Variants in CAGE1 observed in about 807,000 individuals in gnomAD.
The protein encoded by CAGE1 is cancer antigen 1.
CAGE1 carries 66 observed loss-of-function variants against 94.9 expected under a neutral mutation model. The observed-to-expected ratio is 0.70, with a 90% CI of 0.57 to 0.85. The LOEUF is 0.85. Among genes scored for constraint, CAGE1 ranks in the 40% least tolerant of loss-of-function variants. The pLI is 0.00. For synonymous variants in CAGE1, 319 were observed against 321.0 expected, an observed-to-expected ratio of 0.99 and a Z score of 0.07; for missense variants, 865 against 950.4, an observed-to-expected ratio of 0.91 and a Z score of 1.18.
At chr6:7,346,525 G>C (rs1759547646) in intron 11 of CAGE1, among the ~76,000 whole-genome samples, 1 of 152,056 alleles carries the variant, frequency 6.6e-6, no homozygotes, top group Admixed American at 6.6e-5. Context: ...CTCCGGCCTG[G>C]GCGACAGAGC....
At position 7,334,093 on chromosome 6, in the gene CAGE1, G is replaced by C; in HGVS notation, c.2370-3C>G. 1 of 1,502,914 alleles carries C rather than the reference G, an allele frequency of 6.7e-7. No individual in the cohort carries two copies. 93.1% of individuals were successfully genotyped at this position (1,502,914 alleles called of 1,614,324 possible). On this transcript the variant is annotated splice_polypyrimidine_tract_variant and splice_region_variant and intron_variant, in intron 11 of 13. Transcript: ENST00000502583. ...AATGTTTATTTCTCTCTTCCAAACT[G>C]AAAGAAGAAACAATTGAATTTTATG...
At chr6:7,337,976 CTCT>C (rs1409386431) in intron 11 of CAGE1, among the ~76,000 whole-genome samples, 2 of 152,172 alleles carry the variant, frequency 1.3e-5, no homozygotes, top group South Asian at 2.1e-4. Context: ...ATTTATTTAA[CTCT>C]TCTTTACTTT....
intron 11 of CAGE1, among the ~76,000 whole-genome samples, chr6:7,345,368 C>G (rs1040263835): frequency 1.6e-4 from 22 of 136,126 alleles, no homozygotes; most frequent in African/African-American, 5.5e-4. Context: ...CACATCAGAA[C>G]ATCAGAAGGA....
At chr6:7,342,173 G>T in intron 11 of CAGE1, 1 of 1,015,462 alleles carries the variant, frequency 9.8e-7, no homozygotes, top group Non-Finnish European at 1.6e-6. Context: ...TGCCTGGACA[G>T]TTGGGCCCCC....
At chr6:7,342,023 T>G (rs1193962919) in intron 11 of CAGE1, 2 of 839,052 alleles carry the variant, frequency 2.4e-6, no homozygotes, top group Admixed American at 1.7e-5. Context: ...TTCTTGTCCT[T>G]ATGATATTTG....
chr6:7,345,651 G>T (rs74350583), intron 11 of CAGE1, among the ~76,000 whole-genome samples: 1 of 152,144 alleles, frequency 6.6e-6, no homozygotes, highest in South Asian at 2.1e-4. Context: ...TTACAGGCCC[G>T]GCGCAGTGGC....
intron 13 of CAGE1, 69 bp from the exon 14 acceptor site, chr6:7,326,968 A>C (rs1758560466): frequency 8.6e-7 from 1 of 1,166,650 alleles, no homozygotes; most frequent in Non-Finnish European, 1.3e-6. Context: ...AGAACCCCTA[A>C]ACAGCCAATT....
At chr6:7,333,499 T>G (rs1319504248) in intron 12 of CAGE1, among the ~76,000 whole-genome samples, 2 of 152,030 alleles carry the variant, frequency 1.3e-5, no homozygotes, top group Admixed American at 1.3e-4. Flanking sequence ...CCATTTTAGG[T>G]TCTACAAAAA....
chr6:7,358,027 G>GATAGATATAT (rs1554138205), intron 9 of CAGE1, among the ~76,000 whole-genome samples: 24 of 48,068 alleles, frequency 5.0e-4, no homozygotes, highest in Non-Finnish European at 6.1e-4. Context: ...TAAGTTTTGA[G>GATAGATATAT]ATATATATAT....
intron 6 of CAGE1, among the ~76,000 whole-genome samples, chr6:7,369,021 T>C (rs1476657297): frequency 6.6e-6 from 1 of 151,454 alleles, no homozygotes; most frequent in Non-Finnish European, 1.5e-5. Flanking sequence ...TTTTTTTTTT[T>C]TTTTTGAGAT....
chr6:7,374,841 C>A (rs971810393), intron 4 of CAGE1, among the ~76,000 whole-genome samples: 18 of 151,922 alleles, frequency 1.2e-4, no homozygotes, highest in Admixed American at 3.3e-4. Flanking sequence ...ACCGGCCTGG[C>A]CAACATGATA....
At chr6:7,340,962 C>G in intron 11 of CAGE1, 1 of 429,878 alleles carries the variant, frequency 2.3e-6, no homozygotes, top group South Asian at 1.9e-5. Flanking sequence ...GGCTTTGCCA[C>G]AGGATAACAA....
At chr6:7,367,278 A>ATTT (rs70978961) in intron 7 of CAGE1, among the ~76,000 whole-genome samples, 2 of 111,218 alleles carry the variant, frequency 1.8e-5, no homozygotes, top group African/African-American at 3.8e-5. Context: ...TATTTGGGGG[A>ATTT]TTTTTTTTTT....
intron 9 of CAGE1, among the ~76,000 whole-genome samples, chr6:7,356,384 A>G (rs943712546): frequency 8.5e-5 from 13 of 152,082 alleles, no homozygotes; most frequent in African/African-American, 1.7e-4. Flanking sequence ...ATAACAGAAC[A>G]CCTATTGGTA....
rs1760204609 is a variant in CAGE1, at chr6:7,362,793, A to C, written c.2193+2675T>G. On this transcript the variant is annotated intron_variant, in intron 9 of 13. Transcript: ENST00000502583. The surrounding 1 kb of genome is among the most constrained non-coding windows in gnomAD (Gnocchi z 4.1). ...TTTTCATGCAAGTCTAAAGAATAAC[A>C]TAATGAACCTCCATGTTTCCATCCC... Among the ~76,000 whole-genome samples the C allele has an allele frequency of 6.6e-6, 1 of 152,200 alleles. No homozygotes were observed. The highest frequency in any genetic ancestry group is 2.4e-5 in the African/African-American group (1 of 41,440).
At chr6:7,335,724 G>A (rs1444586034) in intron 11 of CAGE1, among the ~76,000 whole-genome samples, 1 of 152,176 alleles carries the variant, frequency 6.6e-6, no homozygotes, top group Non-Finnish European at 1.5e-5. Flanking sequence ...GCAGGTGCAT[G>A]CCACCACACC....
intron 3 of CAGE1, among the ~76,000 whole-genome samples, chr6:7,385,075 G>A (rs112593324): frequency 7.3e-4 from 111 of 151,998 alleles, no homozygotes; most frequent in African/African-American, 2.3e-3. Context: ...GTGCAATCTC[G>A]GCTCACAGCA....
At chr6:7,366,331 G>A (rs1405067785) in intron 7 of CAGE1, among the ~76,000 whole-genome samples, 2 of 152,086 alleles carry the variant, frequency 1.3e-5, no homozygotes, top group African/African-American at 2.4e-5. Flanking sequence ...CTCTTGTGAG[G>A]AAAAGAATTC....
intron 13 of CAGE1, among the ~76,000 whole-genome samples, chr6:7,329,530 G>A (rs1758671454): frequency 6.6e-6 from 1 of 152,188 alleles, no homozygotes; most frequent in Non-Finnish European, 1.5e-5. Flanking sequence ...CTCTATGGAG[G>A]ATGGCATGAA....
Sources: gnomAD v4.1 joint callset for allele counts (sites outside exome capture counted in the v4.1 genomes callset) on GRCh38, gnomAD v4.1.1 for gene constraint, Gnocchi (gnomAD v3.1) non-coding constraint, MANE v1.5 for transcripts, NCBI Gene and HGNC (gene_info 2026-07-23, HGNC 2026-07-21) for gene names.